C3orf20: variants seen among roughly 807,000 people sequenced by gnomAD.
The protein encoded by C3orf20 is family with sequence similarity 149 member C, also known as uncharacterized protein C3orf20.
C3orf20 carries 76 observed loss-of-function variants against 88.3 expected under a neutral mutation model. The ratio of observed to expected loss-of-function variants is 0.86; its 90% CI spans 0.72 to 1.04. The LOEUF (loss-of-function observed/expected upper bound fraction) is 1.04. Ranked by LOEUF, C3orf20 falls within the 50% of genes least tolerant of loss-of-function variation. The probability of loss-of-function intolerance (pLI) is 0.00; values close to 1 mark genes in which losing one functional copy is unlikely to be tolerated. For synonymous variants in C3orf20, 436 were observed against 437.4 expected, an observed-to-expected ratio of 1.00 and a Z score of 0.04; for missense variants, 1,056 against 1,123.3, an observed-to-expected ratio of 0.94 and a Z score of 0.86.
At position 14,715,405 on chromosome 3, in the gene C3orf20, A is replaced by G; in HGVS notation, c.1430A>G (p.Tyr477Cys). ...ACAGAGACCCTGCTTTCCCTGGAAT[A>G]CAAGGTAGGGATGGGCAGCACAGGT... Reference protein sequence around the residue: ...SRTETLLSLEYKVNEEMKLKV... With the variant: ...SRTETLLSLECKVNEEMKLKV... Residue 477 changes from tyrosine (Y) to cysteine (C), a missense_variant, in exon 9 of 17, where the codon TAC (tyrosine) becomes TGC (cysteine). Physicochemically the swap from Tyr to Cys is radical, Grantham distance 194. Transcript: ENST00000253697. 2 of 1,611,344 alleles carry G rather than the reference A, an allele frequency of 1.2e-6. No homozygotes were observed. The highest frequency in any genetic ancestry group is 8.5e-7 in the Non-Finnish European group (1 of 1,179,328).
At chr3:14,678,634 T>G (rs1409174808) in intron 1 of C3orf20, among the ~76,000 whole-genome samples, 1 of 152,226 alleles carries the variant, frequency 6.6e-6, no homozygotes, top group East Asian at 1.9e-4. Flanking sequence ...CTTATACATT[T>G]CATTCCTTTG....
intron 1 of C3orf20, among the ~76,000 whole-genome samples, chr3:14,679,833 A>G (rs768310600): frequency 2.0e-4 from 31 of 152,224 alleles, no homozygotes; most frequent in Admixed American, 5.2e-4. Flanking sequence ...ATTTAAAATG[A>G]CATTGCTTTT....
intron 13 of C3orf20, among the ~76,000 whole-genome samples, chr3:14,758,187 C>G (rs1051924420): frequency 2.0e-5 from 3 of 152,320 alleles, no homozygotes; most frequent in African/African-American, 7.2e-5. Context: ...CGTGAGAGGA[C>G]AGCTCTGGGC....
chr3:14,761,441 A>C (rs368170343), intron 14 of C3orf20, 32 bp from the exon 15 acceptor site: 119 of 1,613,668 alleles, frequency 7.4e-5, no homozygotes, highest in Admixed American at 2.2e-4. Flanking sequence ...TGATGTGCTG[A>C]GGATCTCTCC....
At position 14,736,590 on chromosome 3, in the gene C3orf20, C is replaced by CTT. The variant is rs200133127; in HGVS notation, c.1940+7913_1940+7914dup. ...ACAGGCATGAGCCACTGCGCCTGGC[C>CTT]TTTTTTTTTTTTGTCACTCAGGCTG... On this transcript the variant is annotated intron_variant, in intron 12 of 16. Transcript: ENST00000253697. 7.7e-4 allele frequency among the ~76,000 whole-genome samples: 110 copies of CTT among 143,400 alleles called. No individual in the cohort carries two copies. The South Asian group carries it at 8.7e-3, about 11-fold the overall frequency. The allele number at this position is 143,400 out of a possible 152,430, so 94.1% of individuals were successfully genotyped here. A position where few individuals can be genotyped will look rare whatever the true frequency, so the allele number is the denominator to read the frequency against.
At chr3:14,695,042 T>A (rs1006069818) in intron 5 of C3orf20, among the ~76,000 whole-genome samples, 1 of 152,108 alleles carries the variant, frequency 6.6e-6, no homozygotes, top group African/African-American at 2.4e-5. Context: ...CCACCTTCCT[T>A]GGCCTCTCAA....
At chr3:14,687,033 CT>C (rs1231597797) in intron 4 of C3orf20, among the ~76,000 whole-genome samples, 1 of 152,220 alleles carries the variant, frequency 6.6e-6, no homozygotes, top group South Asian at 2.1e-4. Context: ...TCCAATGCCC[CT>C]GATGCCTGAT....
intron 12 of C3orf20, among the ~76,000 whole-genome samples, chr3:14,746,191 G>A (rs2125015755): frequency 6.6e-6 from 1 of 152,292 alleles, no homozygotes; most frequent in East Asian, 1.9e-4. Context: ...TCTTTGATAT[G>A]TCCAATAACA....
Position 14,772,903 on chromosome 3 carries a change from C to T in C3orf20, c.*28C>T, listed in dbSNP as rs1215403986. 9 of 1,587,740 alleles carry T rather than the reference C, an allele frequency of 5.7e-6. No homozygotes were observed. The highest frequency in any genetic ancestry group is 5.4e-5 in the African/African-American group (4 of 74,470). ...CCATCCTGGCAGCAGCCAAGTGAGC[C>T]AGGCCCCGGCCCGGGGTGCTGGGGC... On this transcript the variant is annotated 3_prime_UTR_variant, in exon 17 of 17. Transcript: ENST00000253697. The surrounding 1 kb of genome is among the most constrained non-coding windows in gnomAD (Gnocchi z 4.2).
intron 2 of C3orf20, 97 bp downstream of exon 2, chr3:14,682,428 T>C (rs542678885): frequency 7.7e-5 from 31 of 400,700 alleles, no homozygotes; most frequent in Non-Finnish European, 1.3e-4. Context: ...GAAGCTTTCC[T>C]GGAACCATAC....
At chr3:14,764,361 A>G (rs1357502815) in intron 15 of C3orf20, among the ~76,000 whole-genome samples, 3 of 152,212 alleles carry the variant, frequency 2.0e-5, no homozygotes, top group Non-Finnish European at 4.4e-5. Flanking sequence ...GTTTAAGAGC[A>G]CTTAGGTGAA....
At chr3:14,766,569 C>T (rs190858922) in intron 15 of C3orf20, among the ~76,000 whole-genome samples, 226 of 152,344 alleles carry the variant, frequency 1.5e-3, no homozygotes, top group African/African-American at 5.3e-3. Context: ...GGGCAGCCGG[C>T]GAGGGGGAGG....
chr3:14,745,829 A>G (rs1317300628), intron 12 of C3orf20, among the ~76,000 whole-genome samples: 1 of 152,222 alleles, frequency 6.6e-6, no homozygotes, highest in Non-Finnish European at 1.5e-5. Flanking sequence ...GTTACATACA[A>G]CATATACATA....
intron 7 of C3orf20, among the ~76,000 whole-genome samples, chr3:14,712,787 T>C (rs1225014639): frequency 1.3e-5 from 2 of 152,190 alleles, no homozygotes; most frequent in African/African-American, 4.8e-5. Context: ...CTAGTGTCCT[T>C]TCATTTCAGC....
intron 10 of C3orf20, among the ~76,000 whole-genome samples, chr3:14,723,426 G>A (rs1575126759): frequency 6.6e-6 from 1 of 152,242 alleles, no homozygotes; most frequent in Non-Finnish European, 1.5e-5. Flanking sequence ...ACATTTATTA[G>A]CACCTGCAGC....
intron 15 of C3orf20, among the ~76,000 whole-genome samples, chr3:14,771,527 C>T (rs1189661779): frequency 6.6e-6 from 1 of 152,276 alleles, no homozygotes; most frequent in Admixed American, 6.5e-5. Context: ...CACAGAACTG[C>T]AGTCCTCACA....
chr3:14,726,284 T>C (rs916449722), intron 10 of C3orf20, among the ~76,000 whole-genome samples: 9 of 152,210 alleles, frequency 5.9e-5, no homozygotes, highest in African/African-American at 2.2e-4. Flanking sequence ...GGCCTGGGCC[T>C]TTGTGGCCTG....
chr3:14,752,398 A>G (rs554209202), intron 12 of C3orf20, among the ~76,000 whole-genome samples: 14 of 152,320 alleles, frequency 9.2e-5, no homozygotes, highest in African/African-American at 2.9e-4. Flanking sequence ...AAACCTAGAC[A>G]ATACCGGTAA....
At position 14,757,388 on chromosome 3, in the gene C3orf20, G is replaced by A; in HGVS notation, c.1958G>A (p.Gly653Glu). 6.2e-7 allele frequency: 1 copy of A among 1,611,434 alleles called. No individual in the cohort carries two copies. The highest frequency in any genetic ancestry group is 8.5e-7 in the Non-Finnish European group (1 of 1,179,620). The change falls in exon 13 of 17, where the codon GGG (glycine) becomes GAG (glutamate). Residue 653 changes from glycine (G) to glutamate (E), a missense_variant. Coordinates refer to ENST00000253697, the MANE Select transcript of C3orf20 (RefSeq NM_032137.5). ...KVTSRGKARE[G>E]RSPTRWAALP... ...CCTTGCAGAGGGAAGGCCCGCGAGG[G>A]GCGCAGCCCCACCAGGTGGGCGGCC...
Sources: gnomAD v4.1 joint callset for allele counts (sites outside exome capture counted in the v4.1 genomes callset) on GRCh38, gnomAD v4.1.1 for gene constraint, Gnocchi (gnomAD v3.1) non-coding constraint, MANE v1.5 for transcripts, NCBI Gene and HGNC (gene_info 2026-07-23, HGNC 2026-07-21) for gene names.